Variants in MED13L observed in about 807,000 individuals in gnomAD.
MED13L encodes the protein mediator complex subunit 13L.
In MED13L, 7 loss-of-function variants were observed where a neutral mutation model predicts 220.9. The ratio of observed to expected loss-of-function variants is 0.03; its 90% CI spans 0.02 to 0.06. MED13L has a LOEUF of 0.06. MED13L is among the 10% of genes least tolerant of loss of function. MED13L has a pLI of 1.00. For synonymous variants in MED13L, 1,011 were observed against 1,015.2 expected, an observed-to-expected ratio of 1.00 and a Z score of 0.08; for missense variants, 1,965 against 2,760.5, an observed-to-expected ratio of 0.71 and a Z score of 6.46.
At chr12:116,208,588 G>GTCA (rs1337880912) in intron 2 of MED13L, among the ~76,000 whole-genome samples, 1 of 152,152 alleles carries the variant, frequency 6.6e-6, no homozygotes, top group Non-Finnish European at 1.5e-5. Context: ...AATCACACCT[G>GTCA]TCATTTCAAT....
Position 116,154,159 on chromosome 12 carries a change from T to C in MED13L, c.311-42647A>G, listed in dbSNP as rs765148186. Among the ~76,000 whole-genome samples, 37 of 152,330 alleles carry C rather than the reference T, an allele frequency of 2.4e-4. No individual in the cohort carries two copies. The Middle Eastern group carries it at 0.01, about 42-fold the overall frequency. On this transcript the variant is annotated intron_variant, in intron 2 of 30. Transcript: ENST00000281928. ...CTCACACTCAATGAAGCATTGTGAC[T>C]CTTAATTCCCCACTTTGCAAATGAA...
At chr12:116,165,258 C>CTTTT (rs1879165341) in intron 2 of MED13L, among the ~76,000 whole-genome samples, 1 of 116,610 alleles carries the variant, frequency 8.6e-6, no homozygotes, top group African/African-American at 4.2e-5. Context: ...TAGGCACCAT[C>CTTTT]CTTTTTTTTT....
intron 2 of MED13L, among the ~76,000 whole-genome samples, chr12:116,136,327 T>A (rs1876547773): frequency 6.6e-6 from 1 of 152,204 alleles, no homozygotes; most frequent in Admixed American, 6.5e-5. Context: ...AGAAAATCCT[T>A]AAGCTTAAAA....
chr12:116,149,414 A>T (rs1184339881), intron 2 of MED13L, among the ~76,000 whole-genome samples: 3 of 152,212 alleles, frequency 2.0e-5, no homozygotes, highest in Non-Finnish European at 1.5e-5. Context: ...TGGTTTAGAT[A>T]ATATGTTTGA....
chr12:116,168,296 G>A (rs1163567552), intron 2 of MED13L, among the ~76,000 whole-genome samples: 3 of 149,710 alleles, frequency 2.0e-5, no homozygotes, highest in East Asian at 2.0e-4. Context: ...TTAACTCCAC[G>A]AATAGTGTCT....
chr12:116,124,123 C>A (rs930348226), intron 2 of MED13L, among the ~76,000 whole-genome samples: 63 of 133,588 alleles, frequency 4.7e-4, no homozygotes, highest in Admixed American at 9.7e-4. Flanking sequence ...GAGAGAAAGA[C>A]GAGAGAGAGA....
chr12:116,006,148 T>C (rs1397851741), intron 12 of MED13L, among the ~76,000 whole-genome samples, 155 bp from the exon 13 acceptor site: 1 of 152,174 alleles, frequency 6.6e-6, no homozygotes, highest in African/African-American at 2.4e-5. Flanking sequence ...AATATGTTTA[T>C]CAGTTTTGAA....
At chr12:116,037,647 T>C (rs571872147) in intron 4 of MED13L, among the ~76,000 whole-genome samples, 71 of 152,248 alleles carry the variant, frequency 4.7e-4, no homozygotes, top group African/African-American at 1.6e-3. Flanking sequence ...GGTAGTGCGT[T>C]ATAAATTCTT....
chr12:116,127,207 T>C (rs942220128), intron 2 of MED13L, among the ~76,000 whole-genome samples: 44 of 152,324 alleles, frequency 2.9e-4, no homozygotes, highest in African/African-American at 1.1e-3. Context: ...TGGTTGCCTG[T>C]AGTATTTCTT....
intron 4 of MED13L, among the ~76,000 whole-genome samples, chr12:116,087,001 A>C (rs994683537): frequency 4.6e-5 from 7 of 152,192 alleles, no homozygotes; most frequent in Non-Finnish European, 8.8e-5. Flanking sequence ...GCCATTATGT[A>C]GAAAGATTTA....
chr12:115,970,289 A>G (rs1876490683), intron 27 of MED13L, among the ~76,000 whole-genome samples: 1 of 152,226 alleles, frequency 6.6e-6, no homozygotes, highest in Non-Finnish European at 1.5e-5. Flanking sequence ...TCACATCAGC[A>G]AATATTTATT....
At chr12:116,118,048 A>C (rs773436614) in intron 2 of MED13L, among the ~76,000 whole-genome samples, 1 of 152,156 alleles carries the variant, frequency 6.6e-6, no homozygotes, top group Non-Finnish European at 1.5e-5. Flanking sequence ...AGCTCAAGTG[A>C]TCCTTCTGCC....
At chr12:116,178,389 G>A (rs887193648) in intron 2 of MED13L, among the ~76,000 whole-genome samples, 9 of 152,096 alleles carry the variant, frequency 5.9e-5, no homozygotes, top group South Asian at 4.1e-4. Flanking sequence ...AAGGACTTGC[G>A]GAGCAAACTC....
intron 2 of MED13L, among the ~76,000 whole-genome samples, chr12:116,173,126 C>T (rs1879803300): frequency 6.7e-6 from 1 of 150,246 alleles, no homozygotes; most frequent in Non-Finnish European, 1.5e-5. Flanking sequence ...AAAAAGTCTG[C>T]CAAATTGGTG....
chr12:116,220,977 T>G (rs993246462), intron 2 of MED13L, among the ~76,000 whole-genome samples: 1 of 152,152 alleles, frequency 6.6e-6, no homozygotes, highest in Admixed American at 6.5e-5. Context: ...CTAGGTTAAG[T>G]TAACAATCTC....
chr12:116,251,760 C>CAA (rs144650640), intron 1 of MED13L, among the ~76,000 whole-genome samples: 2 of 120,508 alleles, frequency 1.7e-5, no homozygotes. Context: ...GACTCTGTCT[C>CAA]AAAAAAAAAA....
chr12:116,102,710 CTTTTTTTTTTTTT>C (rs869201518), intron 3 of MED13L, among the ~76,000 whole-genome samples: 6 of 68,682 alleles, frequency 8.7e-5, no homozygotes, highest in East Asian at 5.2e-4. Flanking sequence ...TTTCTTTTTT[CTTTTTTTTTTTTT>C]TTTTTTTTTT....
intron 3 of MED13L, among the ~76,000 whole-genome samples, chr12:116,109,305 T>C (rs1481662557): frequency 2.6e-5 from 4 of 151,910 alleles, no homozygotes; most frequent in Non-Finnish European, 4.4e-5. Context: ...TTATAAATAA[T>C]AGTTTAATTT....
chr12:116,214,105 C>CT (rs1882866038), intron 2 of MED13L, among the ~76,000 whole-genome samples: 1 of 152,200 alleles, frequency 6.6e-6, no homozygotes, highest in African/African-American at 2.4e-5. Flanking sequence ...TTCCTGTACT[C>CT]TGCTGCTCTA....
Sources: allele counts gnomAD v4.1 joint callset (sites outside exome capture counted in the v4.1 genomes callset), GRCh38; gene constraint gnomAD v4.1.1; transcripts MANE v1.5; gene names NCBI Gene and HGNC (gene_info 2026-07-23, HGNC 2026-07-21).